The following SHTN1 variants were observed in gnomAD, a reference collection of about 807,000 sequenced individuals.
SHTN1 encodes shootin 1, also known as shootin-1.
A neutral mutation model predicts 83.1 loss-of-function variants in SHTN1; 42 were observed. The ratio of observed to expected loss-of-function variants is 0.51; its 90% confidence interval spans 0.39 to 0.65. SHTN1 has a LOEUF of 0.65. Ranked by LOEUF, SHTN1 falls within the 30% of genes least tolerant of loss-of-function variation. The pLI is 0.00. For missense variants in SHTN1, 622 were observed against 737.8 expected, an observed-to-expected ratio of 0.84 and a Z score of 1.82; for synonymous variants, 224 against 247.7, an observed-to-expected ratio of 0.90 and a Z score of 0.90.
intron 1 of SHTN1, among the ~76,000 whole-genome samples, chr10:117,055,095 G>A (rs1852809047): frequency 6.6e-6 from 1 of 152,142 alleles, no homozygotes; most frequent in African/African-American, 2.4e-5. Context: ...CATGGCAGCA[G>A]GAGAGAGAAA....
At chr10:117,028,430 G>A (rs551514461) in intron 2 of SHTN1, among the ~76,000 whole-genome samples, 8 of 152,276 alleles carry the variant, frequency 5.3e-5, no homozygotes, top group Admixed American at 3.9e-4. Context: ...GTAAAAAGGA[G>A]CCAAGTGCTA....
chr10:116,954,697 G>T lies in SHTN1; in HGVS notation c.268-487C>A, dbSNP rs138301261. Among the ~76,000 whole-genome samples, 364 of 152,208 alleles carry T rather than the reference G, an allele frequency of 2.4e-3. 1 individual carries two copies. Among genetic ancestry groups the T allele is most frequent in the African/African-American group, 8.4e-3 (348 of 41,526 alleles). On this transcript the variant is annotated intron_variant, in intron 4 of 16. Coordinates refer to ENST00000355371, the MANE Select transcript of SHTN1 (RefSeq NM_001127211.3). ...CACACCCCATCCCTTTGGCCACAGC[G>T]AATTAGTCCAGGGATTAAACACATG...
chr10:116,993,017 C>T (rs200194444), intron 1 of SHTN1, among the ~76,000 whole-genome samples: 140 of 121,070 alleles, frequency 1.2e-3, no homozygotes, highest in Non-Finnish European at 1.4e-3. Flanking sequence ...TCTTTTTTTT[C>T]TTTTTTTTTT....
chr10:116,945,123 G>A, intron 7 of SHTN1, 105 bp from the exon 8 acceptor site: 1 of 730,118 alleles, frequency 1.4e-6, no homozygotes, highest in Non-Finnish European at 2.3e-6. Flanking sequence ...CCAGCATACA[G>A]GTACCCTCAT....
intron 1 of SHTN1, among the ~76,000 whole-genome samples, chr10:117,049,313 A>G (rs1306161411): frequency 1.3e-5 from 2 of 152,162 alleles, no homozygotes. Flanking sequence ...GGTGGCAAAC[A>G]CTTTTGAAAA....
At chr10:117,126,468 A>G in exon 1 of SHTN1, 1 of 221,678 alleles carries the variant, frequency 4.5e-6, no homozygotes, top group Non-Finnish European at 9.2e-6. Context: ...CTCGCCTCCT[A>G]GCACGCATGC....
At chr10:117,001,109 T>C (rs1189503394) in intron 1 of SHTN1, among the ~76,000 whole-genome samples, 1 of 151,808 alleles carries the variant, frequency 6.6e-6, no homozygotes, top group Non-Finnish European at 1.5e-5. Context: ...TCGGAAATAG[T>C]ATCCAAAGTT....
At chr10:117,119,205 T>C (rs1431527904) in intron 1 of SHTN1, among the ~76,000 whole-genome samples, 1 of 152,050 alleles carries the variant, frequency 6.6e-6, no homozygotes, top group Non-Finnish European at 1.5e-5. Context: ...TAAAGAGAAG[T>C]TGATTAATGA....
At chr10:116,954,232 G>C (rs775481047) in intron 4 of SHTN1, 22 bp from the exon 5 acceptor site, 1 of 1,526,462 alleles carries the variant, frequency 6.6e-7, no homozygotes, top group East Asian at 2.3e-5. Context: ...TATAAAAACA[G>C]TTATTTTAAA....
chr10:117,066,691 G>C (rs1853006346), intron 1 of SHTN1, among the ~76,000 whole-genome samples: 1 of 152,130 alleles, frequency 6.6e-6, no homozygotes, highest in South Asian at 2.1e-4. Flanking sequence ...CTAGATGCTA[G>C]AGCAAACAGC....
intron 1 of SHTN1, 34 bp from the exon 2 acceptor site, chr10:116,979,342 T>C (rs1850931473): frequency 1.9e-6 from 3 of 1,592,062 alleles, no homozygotes; most frequent in East Asian, 2.2e-5. Context: ...ATTACAACAC[T>C]GTCAAAAGTT....
chr10:117,121,137 C>T (rs909063619), intron 1 of SHTN1, among the ~76,000 whole-genome samples: 3 of 152,120 alleles, frequency 2.0e-5, no homozygotes, highest in South Asian at 2.1e-4. Flanking sequence ...ATTAAATTAT[C>T]ACAGGTACCC....
chr10:117,115,106 C>A (rs1377811371), intron 1 of SHTN1, among the ~76,000 whole-genome samples: 1 of 152,188 alleles, frequency 6.6e-6, no homozygotes. Flanking sequence ...AGAATCTATG[C>A]TAAATGACCA....
At chr10:116,967,290 T>TA (rs964631317) in intron 3 of SHTN1, among the ~76,000 whole-genome samples, 13 of 152,062 alleles carry the variant, frequency 8.5e-5, no homozygotes, top group Middle Eastern at 3.4e-3. Context: ...TTACATTACA[T>TA]AAAAAAAATA....
At chr10:117,022,850 G>A (rs1852283384) in intron 2 of SHTN1, among the ~76,000 whole-genome samples, 1 of 152,162 alleles carries the variant, frequency 6.6e-6, no homozygotes, top group Non-Finnish European at 1.5e-5. Flanking sequence ...GAAGGGAAGG[G>A]AAGGTTGCAG....
At chr10:117,043,334 C>T (rs1206290172) in intron 2 of SHTN1, among the ~76,000 whole-genome samples, 2 of 151,970 alleles carry the variant, frequency 1.3e-5, no homozygotes, top group Non-Finnish European at 2.9e-5. Context: ...CAGGGTTTCA[C>T]CATGTTAGCC....
At chr10:116,934,526 C>T (rs1430293977) in intron 9 of SHTN1, among the ~76,000 whole-genome samples, 17 of 152,014 alleles carry the variant, frequency 1.1e-4, no homozygotes, top group Admixed American at 2.6e-4. Flanking sequence ...CTTTGGTCTA[C>T]GTATCTGTTT....
At chr10:117,043,121 A>T (rs1291928144) in intron 2 of SHTN1, among the ~76,000 whole-genome samples, 1 of 147,844 alleles carries the variant, frequency 6.8e-6, no homozygotes, top group African/African-American at 2.5e-5. Context: ...GTGGATCTTT[A>T]TATTTATTTA....
At chr10:116,935,111 CAG>C (rs1345809406) in intron 9 of SHTN1, among the ~76,000 whole-genome samples, 1 of 152,124 alleles carries the variant, frequency 6.6e-6, no homozygotes, top group Non-Finnish European at 1.5e-5. Flanking sequence ...CATCTGCAAA[CAG>C]AGACAATTTG....
Sources: gnomAD v4.1 joint callset for allele counts (sites outside exome capture counted in the v4.1 genomes callset) on GRCh38, gnomAD v4.1.1 for gene constraint, MANE v1.5 for transcripts, NCBI Gene and HGNC (gene_info 2026-07-23, HGNC 2026-07-21) for gene names.